RBMS3: variants seen among roughly 807,000 people sequenced by gnomAD.
RBMS3 encodes the protein RNA-binding motif, single-stranded-interacting protein 3.
RBMS3 carries 27 observed loss-of-function variants against 66.8 expected under a neutral mutation model. That is an observed-to-expected ratio of 0.40 (90% CI 0.30 to 0.56). The LOEUF (loss-of-function observed/expected upper bound fraction) is 0.56. Among genes scored for constraint, RBMS3 ranks in the 20% least tolerant of loss-of-function variants. RBMS3 has a pLI of 0.40. For synonymous variants in RBMS3, 188 were observed against 183.0 expected (o/e 1.03, Z -0.22); for missense variants, 513 against 549.5 (o/e 0.93, Z 0.66).
At chr3:29,981,800 T>C (rs908889723) in intron 12 of RBMS3, among the ~76,000 whole-genome samples, 1 of 152,190 alleles carries the variant, frequency 6.6e-6, no homozygotes, top group African/African-American at 2.4e-5. Context: ...AATGATAAGC[T>C]TTTTGATGTG....
At chr3:29,810,135 A>T (rs962143564) in intron 6 of RBMS3, among the ~76,000 whole-genome samples, 1 of 152,070 alleles carries the variant, frequency 6.6e-6, no homozygotes, top group Non-Finnish European at 1.5e-5. Flanking sequence ...AATTATTTTC[A>T]TCCTTATTAT....
At chr3:29,892,454 C>T (rs1468838534) in intron 8 of RBMS3, among the ~76,000 whole-genome samples, 5 of 151,322 alleles carry the variant, frequency 3.3e-5, no homozygotes, top group Non-Finnish European at 7.4e-5. Context: ...CACTAGATGC[C>T]GGTAGCTCCC....
At chr3:29,838,343 TAAATA>T (rs2058580197) in intron 6 of RBMS3, among the ~76,000 whole-genome samples, 1 of 151,688 alleles carries the variant, frequency 6.6e-6, no homozygotes, top group Admixed American at 6.6e-5. Flanking sequence ...TGTCCAAAAA[TAAATA>T]AAATAAATAA....
At chr3:29,899,633 G>C in intron 9 of RBMS3, 72 bp from the exon 10 acceptor site, 1 of 1,378,110 alleles carries the variant, frequency 7.3e-7, no homozygotes, top group South Asian at 1.2e-5. Flanking sequence ...GACCTAGTGT[G>C]ACTCCACTGA....
intron 4 of RBMS3, among the ~76,000 whole-genome samples, chr3:29,709,976 GA>G (rs2053092839): frequency 6.6e-6 from 1 of 152,146 alleles, no homozygotes; most frequent in Non-Finnish European, 1.5e-5. Context: ...CACTTGAGGA[GA>G]AAAAACACGT....
chr3:29,755,721 G>A (rs11707604), intron 5 of RBMS3, among the ~76,000 whole-genome samples: 72,593 of 151,950 alleles, frequency 0.48, 18,030 homozygotes, highest in African/African-American at 0.62. Flanking sequence ...TGCCAAAGCA[G>A]GGAGACAAAG....
At chr3:29,673,965 G>A (rs1313534518) in intron 4 of RBMS3, among the ~76,000 whole-genome samples, 1 of 152,150 alleles carries the variant, frequency 6.6e-6, no homozygotes, top group South Asian at 2.1e-4. Context: ...GAGAATTTTA[G>A]ATCAATATGC....
At chr3:29,780,997 G>A (rs545263159) in intron 6 of RBMS3, among the ~76,000 whole-genome samples, 2 of 151,074 alleles carry the variant, frequency 1.3e-5, no homozygotes, top group African/African-American at 4.9e-5. Flanking sequence ...TAAGTTTTAG[G>A]GTACATGTGC....
intron 7 of RBMS3, among the ~76,000 whole-genome samples, chr3:29,871,796 G>A (rs909897013): frequency 2.0e-5 from 3 of 151,978 alleles, no homozygotes; most frequent in Non-Finnish European, 4.4e-5. Flanking sequence ...AGTACCATGC[G>A]CATGCCAATT....
At chr3:29,442,132 A>G (rs2041649152) in intron 2 of RBMS3, among the ~76,000 whole-genome samples, 1 of 152,178 alleles carries the variant, frequency 6.6e-6, no homozygotes, top group African/African-American at 2.4e-5. Context: ...ACTTTTTAAT[A>G]ATGTTTGCAT....
intron 6 of RBMS3, among the ~76,000 whole-genome samples, chr3:29,786,719 A>C (rs998624059): frequency 1.3e-5 from 2 of 152,224 alleles, no homozygotes; most frequent in Admixed American, 1.3e-4. Context: ...TAGATATAAG[A>C]GCTGAAACCA....
intron 12 of RBMS3, among the ~76,000 whole-genome samples, chr3:29,946,593 A>T (rs1275274470): frequency 1.3e-5 from 2 of 151,650 alleles, no homozygotes; most frequent in Admixed American, 1.3e-4. Context: ...TGTTGTCGTG[A>T]TGTGAAATGC....
At chr3:29,664,939 C>A (rs1181587852) in intron 4 of RBMS3, among the ~76,000 whole-genome samples, 1 of 151,748 alleles carries the variant, frequency 6.6e-6, no homozygotes, top group African/African-American at 2.4e-5. Context: ...AGAGAAATTT[C>A]TTATTTAAGT....
intron 4 of RBMS3, among the ~76,000 whole-genome samples, chr3:29,634,343 A>G (rs565706146): frequency 2.6e-5 from 4 of 151,880 alleles, no homozygotes; most frequent in Non-Finnish European, 5.9e-5. Context: ...TTTATACACC[A>G]AGTTTACCTT....
intron 3 of RBMS3, among the ~76,000 whole-genome samples, chr3:29,531,570 C>G (rs189803823): frequency 6.6e-6 from 1 of 152,160 alleles, no homozygotes; most frequent in African/African-American, 2.4e-5. Flanking sequence ...AATTTTGTAG[C>G]TAGAATATTT....
In RBMS3 at chr3:29,535,710, CTTTTTT is replaced by C. The variant is rs149022808; in HGVS notation, c.307+47237_307+47242del. ...GAGTTCAATGATTGAGATCATTGCT[CTTTTTT>C]TTTTTTTTTTTTTTTTTTTTTTTTT... On this transcript the variant is annotated intron_variant, in intron 3 of 14. Coordinates refer to ENST00000383767, the MANE Select transcript of RBMS3 (RefSeq NM_001003793.3). Among the ~76,000 whole-genome samples, 7 of 39,744 alleles carry C rather than the reference CTTTTTT, an allele frequency of 1.8e-4. No homozygotes were observed. The South Asian group carries it at 9.7e-3, about 55-fold the overall frequency. 26.1% of individuals were successfully genotyped at this position (39,744 alleles called of 152,430 possible).
At chr3:29,711,293 C>T (rs2053156591) in intron 4 of RBMS3, among the ~76,000 whole-genome samples, 1 of 152,092 alleles carries the variant, frequency 6.6e-6, no homozygotes, top group South Asian at 2.1e-4. Flanking sequence ...AGGAGACTAG[C>T]GTAGTAAAGG....
intron 5 of RBMS3, among the ~76,000 whole-genome samples, chr3:29,747,709 C>T (rs1046026010): frequency 6.6e-6 from 1 of 152,094 alleles, no homozygotes; most frequent in Admixed American, 6.6e-5. Flanking sequence ...AAGGAAAACT[C>T]TCAGCAAAGA....
intron 10 of RBMS3, among the ~76,000 whole-genome samples, chr3:29,926,388 G>A (rs567470281): frequency 6.6e-6 from 1 of 152,288 alleles, no homozygotes; most frequent in East Asian, 1.9e-4. Context: ...GCAGCAAATT[G>A]CAGGACAAGG....
Sources: gnomAD v4.1 joint callset for allele counts (sites outside exome capture counted in the v4.1 genomes callset) on GRCh38, gnomAD v4.1.1 for gene constraint, MANE v1.5 for transcripts, NCBI Gene and HGNC (gene_info 2026-07-23, HGNC 2026-07-21) for gene names.